The following SNX18 variants were observed in gnomAD, a reference collection of about 807,000 sequenced individuals.
SNX18 encodes the protein sorting nexin-18.
SNX18 carries 35 observed loss-of-function variants against 48.7 expected under a neutral mutation model. That is an observed-to-expected ratio of 0.72 (90% CI 0.55 to 0.95). The LOEUF (loss-of-function observed/expected upper bound fraction) is 0.95. Among genes scored for constraint, SNX18 ranks in the 40% least tolerant of loss-of-function variants. The pLI is 0.00. For synonymous variants in SNX18, 492 were observed against 384.7 expected, an observed-to-expected ratio of 1.28 and a Z score of -3.26; for missense variants, 824 against 871.0, an observed-to-expected ratio of 0.95 and a Z score of 0.68.
the SNX18 span, among the ~76,000 whole-genome samples, chr5:54,639,614 G>C: frequency 6.6e-6 from 1 of 152,100 alleles, no homozygotes; most frequent in Non-Finnish European, 1.5e-5. Flanking sequence ...TTTTTCACGA[G>C]AATCTTGAGG....
At chr5:54,556,320 G>A in the SNX18 span, among the ~76,000 whole-genome samples, 5 of 152,132 alleles carry the variant, frequency 3.3e-5, no homozygotes, top group Admixed American at 1.3e-4. Context: ...GGCATCGGCC[G>A]GGCTGCATTC....
the SNX18 span, among the ~76,000 whole-genome samples, chr5:54,642,153 G>C: frequency 6.6e-6 from 1 of 152,200 alleles, no homozygotes; most frequent in Non-Finnish European, 1.5e-5. Context: ...AAAGGTCTGA[G>C]AGAAGGAGGC....
chr5:54,647,434 G>A, the SNX18 span, among the ~76,000 whole-genome samples: 1 of 152,152 alleles, frequency 6.6e-6, no homozygotes, highest in Non-Finnish European at 1.5e-5. Context: ...GAAAAGTATA[G>A]AGGTGTTCAC....
At chr5:54,573,263 C>T in the SNX18 span, among the ~76,000 whole-genome samples, 1 of 152,186 alleles carries the variant, frequency 6.6e-6, no homozygotes, top group Admixed American at 6.5e-5. Context: ...CTTTCAGGAA[C>T]ATCCTACTCG....
the SNX18 span, among the ~76,000 whole-genome samples, chr5:54,581,151 C>A: frequency 6.6e-6 from 1 of 152,140 alleles, no homozygotes; most frequent in Non-Finnish European, 1.5e-5. Context: ...GGTTGTGCTG[C>A]ACCTTTGAAT....
the SNX18 span, among the ~76,000 whole-genome samples, chr5:54,599,996 T>G: frequency 4.6e-5 from 7 of 152,048 alleles, no homozygotes. Context: ...GGGGTCTAAT[T>G]AAACTAAAGA....
At chr5:54,550,291 C>A (rs1274597873), downstream of SNX18, among the ~76,000 whole-genome samples, 1 of 152,066 alleles carries the variant, frequency 6.6e-6, no homozygotes, top group East Asian at 1.9e-4. Context: ...AGAAAAGGAG[C>A]TTTCTTCACA....
chr5:54,551,883 C>A, the SNX18 span, among the ~76,000 whole-genome samples: 1 of 152,166 alleles, frequency 6.6e-6, no homozygotes, highest in African/African-American at 2.4e-5. Context: ...GAAACAGAGA[C>A]CTTTGTGATC....
At chr5:54,618,554 C>T in the SNX18 span, among the ~76,000 whole-genome samples, 17,724 of 152,118 alleles carry the variant, frequency 0.12, 1,099 homozygotes, top group Middle Eastern at 0.18. Flanking sequence ...ATTAGATCTG[C>T]CTCATAGCAT....
the SNX18 span, among the ~76,000 whole-genome samples, chr5:54,616,501 G>A: frequency 1.5e-4 from 23 of 152,212 alleles, no homozygotes; most frequent in African/African-American, 4.8e-4. Context: ...GGCCAGGCAC[G>A]GTGGCTCACA....
chr5:54,605,288 C>T, the SNX18 span, among the ~76,000 whole-genome samples: 1 of 151,978 alleles, frequency 6.6e-6, no homozygotes, highest in African/African-American at 2.4e-5. Context: ...AAGTCATAGA[C>T]ATTCATGGGG....
the SNX18 span, among the ~76,000 whole-genome samples, chr5:54,573,129 A>G: frequency 6.6e-6 from 1 of 152,228 alleles, no homozygotes; most frequent in African/African-American, 2.4e-5. Flanking sequence ...TTTAAAGATA[A>G]TAATATCGAT....
the SNX18 span, among the ~76,000 whole-genome samples, chr5:54,551,714 TC>T: frequency 6.6e-6 from 1 of 152,160 alleles, no homozygotes; most frequent in Admixed American, 6.5e-5. Flanking sequence ...TTAATTCTTT[TC>T]CAATTTACTT....
chr5:54,615,630 A>G, the SNX18 span, among the ~76,000 whole-genome samples: 4 of 152,252 alleles, frequency 2.6e-5, no homozygotes, highest in Non-Finnish European at 4.4e-5. Context: ...TTCTGAAAAT[A>G]CAGTGCCTAT....
the SNX18 span, among the ~76,000 whole-genome samples, chr5:54,577,050 C>T: frequency 6.6e-6 from 1 of 152,196 alleles, no homozygotes; most frequent in African/African-American, 2.4e-5. Flanking sequence ...ATCCACCCAC[C>T]TTGGCATCCC....
At chr5:54,539,214 A>G (rs1762415046) in intron 1 of SNX18, among the ~76,000 whole-genome samples, 2 of 151,660 alleles carry the variant, frequency 1.3e-5, no homozygotes, top group African/African-American at 4.9e-5. Context: ...AAATAGTTGT[A>G]GTGCTTGCTT....
chr5:54,579,578 C>G, the SNX18 span, among the ~76,000 whole-genome samples: 37 of 152,156 alleles, frequency 2.4e-4, no homozygotes, highest in Non-Finnish European at 5.1e-4. Flanking sequence ...TGGAGAGAAG[C>G]TAGAACAGTT....
chr5:54,558,748 G>A, the SNX18 span, among the ~76,000 whole-genome samples: 1 of 152,094 alleles, frequency 6.6e-6, no homozygotes, highest in Non-Finnish European at 1.5e-5. Context: ...ATGTACTTGG[G>A]CAATTTTTCC....
Position 54,543,504 on chromosome 5 carries a change from A to C in SNX18, c.*72A>C, listed in dbSNP as rs1482996786. ...TACAGCAGAATAAAAACTGCTGTCA[A>C]AGAGCTATTGCCAGCTATCAGTGGT... On this transcript the variant is annotated 3_prime_UTR_variant, in exon 2 of 2. Transcript: ENST00000381410. 1.3e-6 allele frequency: 2 copies of C among 1,549,260 alleles called. No individual in the cohort carries two copies. Among genetic ancestry groups the C allele is most frequent in the African/African-American group, 2.7e-5 (2 of 73,216 alleles).
Sources: allele counts gnomAD v4.1 joint callset (sites outside exome capture counted in the v4.1 genomes callset), GRCh38; gene constraint gnomAD v4.1.1; transcripts MANE v1.5; gene names NCBI Gene and HGNC (gene_info 2026-07-23, HGNC 2026-07-21).